RMST: variants seen among roughly 807,000 people sequenced by gnomAD.
RMST encodes the protein rhabdomyosarcoma 2 associated transcript.
chr12:97,491,493 G>A (rs757489661), intron 5 of RMST, among the ~76,000 whole-genome samples: 20 of 152,138 alleles, frequency 1.3e-4, no homozygotes, highest in South Asian at 2.1e-4. Flanking sequence ...CTTTTAACCC[G>A]TTTGTGTGTG....
intron 11 of RMST, among the ~76,000 whole-genome samples, chr12:97,546,863 A>G (rs761930066): frequency 1.3e-5 from 2 of 152,122 alleles, no homozygotes; most frequent in East Asian, 3.9e-4. Flanking sequence ...ACAATTAACT[A>G]TAGTCACCAT....
chr12:97,471,269 G>T (rs767847617), intron 5 of RMST, among the ~76,000 whole-genome samples: 1 of 152,092 alleles, frequency 6.6e-6, no homozygotes, highest in Non-Finnish European at 1.5e-5. Context: ...TGTGTAGCGT[G>T]TGTTAATTTT....
chr12:97,498,475 A>G (rs939671734), intron 10 of RMST, among the ~76,000 whole-genome samples: 1 of 152,204 alleles, frequency 6.6e-6, no homozygotes, highest in African/African-American at 2.4e-5. Context: ...TAATGAGTAT[A>G]AAGCCTATGG....
intron 5 of RMST, among the ~76,000 whole-genome samples, chr12:97,472,967 T>C (rs1386167724): frequency 1.3e-5 from 2 of 152,042 alleles, no homozygotes; most frequent in East Asian, 3.9e-4. Context: ...AAGGAGAAAA[T>C]ATAATCGTTC....
In RMST at chr12:97,532,493, A is replaced by T. The variant is rs1405000442; in HGVS notation, n.1545+1634A>T. Among the ~76,000 whole-genome samples the T allele has an allele frequency of 2.0e-5, 3 of 151,866 alleles. No homozygotes were observed. The South Asian group carries it at 6.2e-4, about 31-fold the overall frequency. On this transcript the variant is annotated intron_variant and non_coding_transcript_variant, in intron 11 of 13. Coordinates refer to ENST00000640149, the Ensembl canonical transcript of RMST. ...ATGACAATTACAGACAATAGGGAGG[A>T]TTAACTTCCTAAAGTCATATGTTGT...
chr12:97,525,715 C>CAAGGCAATAT, intron 10 of RMST, among the ~76,000 whole-genome samples: 1 of 152,048 alleles, frequency 6.6e-6, no homozygotes, highest in South Asian at 2.1e-4. Context: ...CCTTGTTAAA[C>CAAGGCAATAT]AAAAGGGTAA....
At chr12:97,474,552 T>G (rs1419090209) in intron 5 of RMST, among the ~76,000 whole-genome samples, 2 of 146,060 alleles carry the variant, frequency 1.4e-5, no homozygotes, top group African/African-American at 5.0e-5. Context: ...CATTAGGTAC[T>G]TAGAGACAGT....
At chr12:97,465,704 G>A (rs1593104270) in exon 5 of RMST, 1 of 152,142 alleles carries the variant, frequency 6.6e-6, no homozygotes, top group African/African-American at 2.4e-5. Context: ...TCCATGAGAA[G>A]TGACATCCTC....
chr12:97,500,625 C>T (rs1046877225), intron 10 of RMST, among the ~76,000 whole-genome samples: 1 of 152,118 alleles, frequency 6.6e-6, no homozygotes, highest in Non-Finnish European at 1.5e-5. Context: ...ACACCAAAGC[C>T]AATATTAACT....
At chr12:97,555,007 T>G (rs1166607091) in intron 11 of RMST, among the ~76,000 whole-genome samples, 3 of 152,108 alleles carry the variant, frequency 2.0e-5, no homozygotes, top group Non-Finnish European at 4.4e-5. Flanking sequence ...AGGCTTGTAT[T>G]TGTCTCTACA....
chr12:97,551,724 G>C (rs1362509499), intron 11 of RMST: 1 of 152,070 alleles, frequency 6.6e-6, no homozygotes, highest in Non-Finnish European at 1.5e-5. Flanking sequence ...TGTCCCTTAG[G>C]TTATGCTTCA....
intron 5 of RMST, among the ~76,000 whole-genome samples, chr12:97,469,492 G>T (rs565489244): frequency 4.3e-4 from 65 of 152,106 alleles, no homozygotes; most frequent in Non-Finnish European, 6.5e-4. Context: ...ATGCCAGACA[G>T]TGTGCTAAGA....
intron 5 of RMST, among the ~76,000 whole-genome samples, chr12:97,485,871 G>A (rs2136434578): frequency 6.6e-6 from 1 of 152,296 alleles, no homozygotes; most frequent in South Asian, 2.1e-4. Context: ...AGGCCCACCT[G>A]GCAGTGTGTC....
chr12:97,464,369 C>T (rs1409787990), intron 4 of RMST, among the ~76,000 whole-genome samples: 26 of 152,240 alleles, frequency 1.7e-4, no homozygotes, highest in Admixed American at 1.7e-3. Flanking sequence ...ATGCAGTAAT[C>T]GGGGCTAAAG....
chr12:97,476,722 T>C (rs1181445053), intron 5 of RMST, among the ~76,000 whole-genome samples: 2 of 152,298 alleles, frequency 1.3e-5, no homozygotes, highest in African/African-American at 4.8e-5. Context: ...ATTTTCAAAA[T>C]GGTGTCTGGA....
At chr12:97,496,496 C>T (rs77722772) in intron 10 of RMST, among the ~76,000 whole-genome samples, 2,385 of 152,188 alleles carry the variant, frequency 0.016, 61 homozygotes, top group African/African-American at 0.054. Context: ...CCTATTAGAA[C>T]AAGAAATTGA....
chr12:97,522,709 T>C (rs1284673111), intron 10 of RMST, among the ~76,000 whole-genome samples: 1 of 152,182 alleles, frequency 6.6e-6, no homozygotes, highest in African/African-American at 2.4e-5. Flanking sequence ...CATTTCATGT[T>C]AGTAAGGGTA....
intron 11 of RMST, among the ~76,000 whole-genome samples, chr12:97,545,468 C>G (rs1395649172): frequency 6.6e-6 from 1 of 151,850 alleles, no homozygotes; most frequent in Non-Finnish European, 1.5e-5. Context: ...TTGAATACAC[C>G]CTGCAGACAT....
chr12:97,514,526 C>G (rs1357007681), intron 10 of RMST, among the ~76,000 whole-genome samples: 1 of 152,124 alleles, frequency 6.6e-6, no homozygotes, highest in African/African-American at 2.4e-5. Context: ...ATTTCTATGC[C>G]ATATCTATAT....
Sources: gnomAD v4.1 joint callset for allele counts (sites outside exome capture counted in the v4.1 genomes callset) on GRCh38, gnomAD v4.1.1 for gene constraint, MANE v1.5 for transcripts, NCBI Gene and HGNC (gene_info 2026-07-23, HGNC 2026-07-21) for gene names.